KIF5C: variants seen among roughly 807,000 people sequenced by gnomAD.
KIF5C encodes the protein kinesin heavy chain isoform 5C.
In KIF5C, 18 loss-of-function variants were observed where a neutral mutation model predicts 125.2. The observed-to-expected ratio is 0.14, with a 90% CI of 0.10 to 0.21. The LOEUF (loss-of-function observed/expected upper bound fraction) is 0.21, where lower values mean the gene tolerates loss of function less well. Among genes scored for constraint, KIF5C ranks in the 10% least tolerant of loss-of-function variants. The probability of loss-of-function intolerance (pLI) is 1.00; values close to 1 mark genes in which losing one functional copy is unlikely to be tolerated. For synonymous variants in KIF5C, 405 were observed against 434.0 expected (o/e 0.93, Z 0.83); for missense variants, 780 against 1,183.8 (o/e 0.66, Z 5.01).
Position 148,978,904 on chromosome 2 carries a change from C to T in KIF5C, c.1294-18C>T, listed in dbSNP as rs771462411. On this transcript the variant is annotated intron_variant, in intron 12 of 25. Coordinates refer to ENST00000435030, the MANE Select transcript of KIF5C (RefSeq NM_004522.3). ...TGACATAACTAACCAAAAAAACAAA[C>T]ATGATGTTTCGTTTCAGGATGATGA... 6.3e-7 allele frequency: 1 copy of T among 1,578,066 alleles called. No individual in the cohort carries two copies.
intron 3 of KIF5C, among the ~76,000 whole-genome samples, chr2:148,931,425 A>G (rs1435392659): frequency 1.3e-5 from 2 of 152,142 alleles, no homozygotes; most frequent in African/African-American, 4.8e-5. Flanking sequence ...GTGGTGGCTT[A>G]CACCTGTAAT....
chr2:148,898,223 C>G (rs951188019), intron 1 of KIF5C, among the ~76,000 whole-genome samples: 23 of 152,128 alleles, frequency 1.5e-4, no homozygotes, highest in Admixed American at 1.4e-3. Flanking sequence ...TTGAGAGGCT[C>G]TCTCCAGTCT....
At chr2:149,015,460 T>C (rs1180439659) in intron 25 of KIF5C, among the ~76,000 whole-genome samples, 3 of 152,220 alleles carry the variant, frequency 2.0e-5, no homozygotes, top group Admixed American at 6.5e-5. Flanking sequence ...ATGATCTCAA[T>C]TGTGTCTTCC....
intron 2 of KIF5C, among the ~76,000 whole-genome samples, chr2:148,926,609 C>T (rs549889638): frequency 6.6e-6 from 1 of 152,268 alleles, no homozygotes; most frequent in Non-Finnish European, 1.5e-5. Context: ...TGCCTGTGGT[C>T]GCGGTGGCCA....
chr2:148,878,304 T>C (rs887101239), intron 1 of KIF5C: 17 of 152,226 alleles, frequency 1.1e-4, no homozygotes, highest in African/African-American at 3.6e-4. Context: ...TGCTTGTTTC[T>C]TTTTAACTTT....
chr2:148,934,398 A>G (rs1413530767), intron 3 of KIF5C, among the ~76,000 whole-genome samples: 2 of 151,322 alleles, frequency 1.3e-5, no homozygotes, highest in Non-Finnish European at 2.9e-5. Context: ...TACATCATAC[A>G]CACACAGACA....
chr2:148,976,550 G>A (rs1050354721), intron 12 of KIF5C, among the ~76,000 whole-genome samples: 2 of 151,040 alleles, frequency 1.3e-5, no homozygotes, highest in Non-Finnish European at 3.0e-5. Context: ...TTTCAGGCCT[G>A]AGCCACCACG....
intron 17 of KIF5C, among the ~76,000 whole-genome samples, 186 bp from the exon 18 acceptor site, chr2:148,997,078 A>G (rs1022689847): frequency 5.9e-5 from 9 of 152,360 alleles, no homozygotes; most frequent in Admixed American, 3.3e-4. Context: ...GGAATGCTTC[A>G]GGAGGGGGCA....
At chr2:148,912,586 C>T (rs761212183) in intron 1 of KIF5C, among the ~76,000 whole-genome samples, 3 of 152,214 alleles carry the variant, frequency 2.0e-5, no homozygotes, top group Non-Finnish European at 4.4e-5. Flanking sequence ...CTAGGACTAA[C>T]AGGTGTGCAC....
intron 22 of KIF5C, among the ~76,000 whole-genome samples, 195 bp from the exon 23 acceptor site, chr2:149,007,768 T>C (rs916275411): frequency 1.3e-5 from 2 of 152,146 alleles, no homozygotes; most frequent in Non-Finnish European, 2.9e-5. Flanking sequence ...AAAAATTAGC[T>C]CCTCAAATCG....
chr2:148,913,801 C>T (rs542320066), intron 1 of KIF5C, among the ~76,000 whole-genome samples: 10 of 152,266 alleles, frequency 6.6e-5, no homozygotes, highest in East Asian at 1.9e-4. Context: ...TTCCATTTGG[C>T]GCAAGAGATC....
In KIF5C at chr2:148,941,480, G is replaced by A. The variant is rs1682404602; in HGVS notation, c.397-130G>A. 9 of 1,278,290 alleles carry A rather than the reference G, an allele frequency of 7.0e-6. No homozygotes were observed. In the South Asian group the frequency reaches 1.3e-4, roughly 18 times the overall value. The allele number at this position is 1,278,290 out of a possible 1,614,324, so 79.2% of individuals were successfully genotyped here. A position where few individuals can be genotyped will look rare whatever the true frequency, so the allele number is the denominator to read the frequency against. The stretch of plus-strand genomic sequence containing the variant: ...CCCAGTAGAGCTGGCCAGATTTTAA[G>A]TCTTCACTTTGAACCCCTCTTCTTA... On this transcript the variant is annotated intron_variant, in intron 4 of 25. Transcript: ENST00000435030.
intron 15 of KIF5C, among the ~76,000 whole-genome samples, chr2:148,983,988 G>A (rs1283812408): frequency 6.6e-6 from 1 of 152,206 alleles, no homozygotes; most frequent in East Asian, 1.9e-4. Flanking sequence ...TCTAGGCAGT[G>A]TCTTCAAATG....
At position 149,026,598 on chromosome 2, in the gene KIF5C, G is replaced by A; in HGVS notation, c.*3528G>A. The A allele has an allele frequency of 6.6e-6, 1 of 152,604 alleles. No individual in the cohort carries two copies. Among genetic ancestry groups the A allele is most frequent in the East Asian group, 1.9e-4 (1 of 5,202 alleles). 9.5% of individuals were successfully genotyped at this position (152,604 alleles called of 1,614,324 possible). A position where few individuals can be genotyped will look rare whatever the true frequency, so the allele number is the denominator to read the frequency against. On this transcript the variant is annotated 3_prime_UTR_variant, in exon 26 of 26. Transcript: ENST00000435030. ...ATATCAATAACGATGCTGTACTATA[G>A]TCCATGTAACAAAAGATCTGGAAGT... is the stretch of plus-strand genomic sequence containing the variant.
chr2:148,947,033 T>G lies in KIF5C; in HGVS notation c.714+10T>G, dbSNP rs368850077. 9 of 1,605,564 alleles carry G rather than the reference T, an allele frequency of 5.6e-6. No homozygotes were observed. The highest frequency in any genetic ancestry group is 6.8e-6 in the Non-Finnish European group (8 of 1,177,090). On this transcript the variant is annotated intron_variant, in intron 8 of 25. Coordinates refer to ENST00000435030, the MANE Select transcript of KIF5C (RefSeq NM_004522.3). ...GGCTGGGAGCGAAAAGGTAATTTGT[T>G]CTTTATTTGTATTATCTATAATTTT...
At chr2:148,985,510 G>A (rs1681357010) in intron 15 of KIF5C, among the ~76,000 whole-genome samples, 1 of 152,122 alleles carries the variant, frequency 6.6e-6, no homozygotes, top group South Asian at 2.1e-4. Context: ...ATACCACAAT[G>A]TTTTGATCAC....
intron 11 of KIF5C, among the ~76,000 whole-genome samples, chr2:148,971,619 AG>A (rs1197428305): frequency 6.6e-6 from 1 of 152,220 alleles, no homozygotes; most frequent in Non-Finnish European, 1.5e-5. Flanking sequence ...AAAAGGAAAA[AG>A]GGTTGGCTCA....
chr2:148,880,361 T>C (rs1287910000), intron 1 of KIF5C, among the ~76,000 whole-genome samples: 1 of 152,240 alleles, frequency 6.6e-6, no homozygotes, highest in Non-Finnish European at 1.5e-5. Context: ...CTTCAGGTGA[T>C]CCACCTGCCT....
At chr2:148,890,083 T>C (rs1331366163) in intron 1 of KIF5C, among the ~76,000 whole-genome samples, 1 of 152,222 alleles carries the variant, frequency 6.6e-6, no homozygotes, top group Non-Finnish European at 1.5e-5. Flanking sequence ...TTAACTATCA[T>C]GTTGAGTACC....
Sources: allele counts gnomAD v4.1 joint callset (sites outside exome capture counted in the v4.1 genomes callset), GRCh38; gene constraint gnomAD v4.1.1; transcripts MANE v1.5; gene names NCBI Gene and HGNC (gene_info 2026-07-23, HGNC 2026-07-21).